The following SLCO3A1 variants were observed in gnomAD, a reference collection of about 807,000 sequenced individuals.
SLCO3A1 encodes PGE1 transporter.
A neutral mutation model predicts 63.1 loss-of-function variants in SLCO3A1; 27 were observed. That is an observed-to-expected ratio of 0.43 (90% confidence interval 0.32 to 0.59). The LOEUF is 0.59. SLCO3A1 is among the 20% of genes least tolerant of loss of function. SLCO3A1 has a pLI of 0.09. For synonymous variants in SLCO3A1, 473 were observed against 409.9 expected (o/e 1.15, Z -1.86); for missense variants, 773 against 945.8 (o/e 0.82, Z 2.40).
At chr15:92,166,393 C>T (rs923041729), downstream of SLCO3A1, among the ~76,000 whole-genome samples, 4 of 152,232 alleles carry the variant, frequency 2.6e-5, no homozygotes, top group African/African-American at 9.6e-5. Context: ...GTCTTCCTAG[C>T]AGGAGGGAGC....
chr15:92,120,027 A>G (rs1453753804), intron 4 of SLCO3A1, among the ~76,000 whole-genome samples: 2 of 152,162 alleles, frequency 1.3e-5, no homozygotes, highest in African/African-American at 2.4e-5. Flanking sequence ...ATCAATAGGT[A>G]TATTGACATA....
Position 91,854,366 on chromosome 15 carries a change from G to A in SLCO3A1, c.180+278G>A. On this transcript the variant is annotated intron_variant, in intron 1 of 9. Coordinates refer to ENST00000318445, the MANE Select transcript of SLCO3A1 (RefSeq NM_013272.4). The surrounding 1 kb of genome is among the most constrained non-coding windows in gnomAD (Gnocchi z 6.4). ...GGGGGAGGAGAGGCGGCGGGCAGGTGGGCGTGAAACTATTCCTCTCCCCCC... is the reference window on the plus strand; with the variant it reads ...GGGGGAGGAGAGGCGGCGGGCAGGTAGGCGTGAAACTATTCCTCTCCCCCC... The A allele has an allele frequency of 9.1e-7, 1 of 1,095,976 alleles. No individual in the cohort carries two copies. The highest frequency in any genetic ancestry group is 1.1e-6 in the Non-Finnish European group (1 of 900,896). The allele number at this position is 1,095,976 out of a possible 1,614,324, so 67.9% of individuals were successfully genotyped here.
intron 2 of SLCO3A1, among the ~76,000 whole-genome samples, chr15:92,086,479 A>G (rs1331448186): frequency 6.6e-6 from 1 of 152,052 alleles, no homozygotes; most frequent in East Asian, 1.9e-4. Flanking sequence ...ATCAATTTAT[A>G]GTAGTTTTTA....
At chr15:91,926,323 G>T (rs1334676933) in intron 2 of SLCO3A1, among the ~76,000 whole-genome samples, 1 of 152,180 alleles carries the variant, frequency 6.6e-6, no homozygotes, top group African/African-American at 2.4e-5. Context: ...GGAACAGTAA[G>T]TGTTTAATAG....
At chr15:91,947,292 A>G (rs1190723051) in intron 2 of SLCO3A1, among the ~76,000 whole-genome samples, 1 of 152,190 alleles carries the variant, frequency 6.6e-6, no homozygotes, top group African/African-American at 2.4e-5. Context: ...GACATAGGAA[A>G]AGCAGCTTAT....
chr15:92,111,807 G>A (rs2047732575), intron 4 of SLCO3A1, among the ~76,000 whole-genome samples: 1 of 152,216 alleles, frequency 6.6e-6, no homozygotes, highest in Non-Finnish European at 1.5e-5. Context: ...TTAGAAGGCA[G>A]CATTTCCCAA....
At chr15:92,076,488 A>G (rs758384424) in intron 2 of SLCO3A1, among the ~76,000 whole-genome samples, 2 of 152,198 alleles carry the variant, frequency 1.3e-5, no homozygotes, top group African/African-American at 2.4e-5. Flanking sequence ...CTTGTGCCCT[A>G]TGCATGATCA....
chr15:91,855,182 A>G (rs1896882927), intron 1 of SLCO3A1, among the ~76,000 whole-genome samples: 2 of 152,194 alleles, frequency 1.3e-5, no homozygotes, highest in Admixed American at 1.3e-4. Context: ...CCAGAGATAG[A>G]ACCACGCGTA....
At chr15:91,893,888 C>T (rs898816095) in intron 1 of SLCO3A1, among the ~76,000 whole-genome samples, 8 of 152,132 alleles carry the variant, frequency 5.3e-5, no homozygotes, top group Admixed American at 1.3e-4. Flanking sequence ...AGAACTTGTA[C>T]GCAGGTAGGG....
chr15:92,159,562 G>C (rs937796431), intron 9 of SLCO3A1, among the ~76,000 whole-genome samples: 1 of 125,164 alleles, frequency 8.0e-6, no homozygotes, highest in African/African-American at 3.3e-5. Flanking sequence ...GAAAAACTTT[G>C]GTAGGTTTTT....
intron 2 of SLCO3A1, among the ~76,000 whole-genome samples, chr15:91,986,464 G>T (rs1389189434): frequency 2.8e-5 from 4 of 143,098 alleles, no homozygotes; most frequent in African/African-American, 9.8e-5. Context: ...TAATTCTCTA[G>T]TAGCCATTTT....
At chr15:91,911,056 G>A (rs866777321) in intron 1 of SLCO3A1, among the ~76,000 whole-genome samples, 25 of 152,300 alleles carry the variant, frequency 1.6e-4, no homozygotes, top group Middle Eastern at 3.4e-3. Context: ...ATACTTGGCC[G>A]TGGCCTCTGA....
chr15:91,931,788 AAC>A (rs112525299), intron 2 of SLCO3A1, among the ~76,000 whole-genome samples: 18 of 144,216 alleles, frequency 1.2e-4, no homozygotes, highest in Admixed American at 9.6e-4. Flanking sequence ...TAAGTGTGGA[AAC>A]ACACACACAC....
chr15:92,165,380 G>A lies in SLCO3A1; in HGVS notation c.*2245G>A. 2 of 985,234 alleles carry A rather than the reference G, an allele frequency of 2.0e-6. No homozygotes were observed. The highest frequency in any genetic ancestry group is 2.4e-6 in the Non-Finnish European group (2 of 829,828). 61.0% of individuals were successfully genotyped at this position (985,234 alleles called of 1,614,324 possible). A position where few individuals can be genotyped will look rare whatever the true frequency, so the allele number is the denominator to read the frequency against. On this transcript the variant is annotated 3_prime_UTR_variant, in exon 10 of 10. Coordinates refer to ENST00000318445, the MANE Select transcript of SLCO3A1 (RefSeq NM_013272.4). Reference sequence around the variant, plus strand: ...TTGATAATATCCTGTACAGATTTTGGTTTAGTTTTGCAAATATATTGCTAA... The same window carrying A: ...TTGATAATATCCTGTACAGATTTTGATTTAGTTTTGCAAATATATTGCTAA...
At chr15:92,147,288 G>T (rs151151120) in intron 8 of SLCO3A1, 129 bp downstream of exon 8, 3 of 865,646 alleles carry the variant, frequency 3.5e-6, no homozygotes, top group African/African-American at 3.4e-5. Context: ...AGCAAGGAGC[G>T]CAGCTTCTCT....
chr15:91,936,853 G>A (rs1305923186), intron 2 of SLCO3A1, among the ~76,000 whole-genome samples: 1 of 152,136 alleles, frequency 6.6e-6, no homozygotes, highest in Non-Finnish European at 1.5e-5. Context: ...TCCTGAGTTC[G>A]ATATTCTGTC....
At position 91,865,694 on chromosome 15, in the gene SLCO3A1, CTCT is replaced by C. The variant is rs1056994773; in HGVS notation, c.180+11616_180+11618del. On this transcript the variant is annotated intron_variant, in intron 1 of 9. Transcript: ENST00000318445. The surrounding 1 kb of genome is among the most constrained non-coding windows in gnomAD (Gnocchi z 4.6). ...CATGGTGTTTCCCCCGCGTCTCTCT[CTCT>C]TCTTCTTCTAAGGACACCGGTCACA... Among the ~76,000 whole-genome samples, 8 of 152,212 alleles carry C rather than the reference CTCT, an allele frequency of 5.3e-5. No individual in the cohort carries two copies. The highest frequency in any genetic ancestry group is 2.6e-4 in the Admixed American group (4 of 15,294).
In SLCO3A1 at chr15:91,916,219, A is replaced by T; in HGVS notation, c.407A>T (p.Glu136Val). The T allele has an allele frequency of 6.3e-7, 1 of 1,579,346 alleles. No individual in the cohort carries two copies. Among genetic ancestry groups the T allele is most frequent in the Non-Finnish European group, 8.6e-7 (1 of 1,164,648 alleles). The part of the protein sequence containing the change: ...PEFLTHQYKY[E>V]AGEIRWGAEG... ...TTCCTGACCCACCAGTACAAGTACG[A>T]GGCGGGCGAGATCCGCTGGGGCGCC... is the stretch of plus-strand genomic sequence containing the variant. Residue 136 changes from glutamate (E) to valine (V), a missense_variant, in exon 2 of 10, where the codon GAG (glutamate) becomes GTG (valine). Glu to Val is a moderately radical substitution (Grantham distance 121). Coordinates refer to ENST00000318445, the MANE Select transcript of SLCO3A1 (RefSeq NM_013272.4). This position sits in a 1 kb window ranked among gnomAD's most constrained non-coding sequence, Gnocchi z 6.2.
intron 2 of SLCO3A1, among the ~76,000 whole-genome samples, chr15:92,042,329 G>A (rs567099600): frequency 1.3e-5 from 2 of 152,196 alleles, no homozygotes. Context: ...GGGAAAAGAG[G>A]TTGACTGTTG....
Sources: allele counts gnomAD v4.1 joint callset (sites outside exome capture counted in the v4.1 genomes callset), GRCh38; gene constraint gnomAD v4.1.1; non-coding constraint Gnocchi (gnomAD v3.1); transcripts MANE v1.5; gene names NCBI Gene and HGNC (gene_info 2026-07-23, HGNC 2026-07-21).